The following ROBO1 variants were observed in gnomAD, a reference collection of about 807,000 sequenced individuals.
ROBO1 encodes the protein roundabout homolog 1.
In ROBO1, 149 loss-of-function variants were observed where a neutral mutation model predicts 195.9. The ratio of observed to expected loss-of-function variants is 0.76; its 90% CI spans 0.67 to 0.87. The LOEUF is 0.87. Among genes scored for constraint, ROBO1 ranks in the 40% least tolerant of loss-of-function variants. The pLI is 0.00. For missense variants in ROBO1, 1,933 were observed against 2,068.3 expected, an observed-to-expected ratio of 0.93 and a Z score of 1.27; for synonymous variants, 816 against 733.2, an observed-to-expected ratio of 1.11 and a Z score of -1.82.
intron 2 of ROBO1, among the ~76,000 whole-genome samples, chr3:79,297,810 C>G (rs1025835899): frequency 2.0e-5 from 3 of 151,990 alleles, no homozygotes; most frequent in Non-Finnish European, 4.4e-5. Context: ...AAGCCAACTG[C>G]TAGGATTTTC....
rs181878516 is a variant in ROBO1 at position 78,659,176 on chromosome 3, T to C, written c.2442+510A>G. ...AAAACACTTAAAAGTACAGAGACTT[T>C]TACCTTTTAATGCCTCAATTATCTA... On this transcript the variant is annotated intron_variant, in intron 17 of 30. Coordinates refer to ENST00000464233, the MANE Select transcript of ROBO1 (RefSeq NM_002941.4). 1.2e-4 allele frequency among the ~76,000 whole-genome samples: 18 copies of C among 152,298 alleles called. No homozygotes were observed. In the East Asian group the frequency reaches 3.5e-3, roughly 29 times the overall value.
At chr3:78,921,268 G>T (rs1364544565) in intron 4 of ROBO1, among the ~76,000 whole-genome samples, 1 of 151,332 alleles carries the variant, frequency 6.6e-6, no homozygotes, top group Non-Finnish European at 1.5e-5. Flanking sequence ...AATTAATTAT[G>T]TTAGCTTTAT....
chr3:79,434,357 A>G (rs2038800903), intron 2 of ROBO1, among the ~76,000 whole-genome samples: 1 of 152,230 alleles, frequency 6.6e-6, no homozygotes, highest in Admixed American at 6.5e-5. Context: ...AAAGAACTCA[A>G]ACAAATTCAC....
intron 2 of ROBO1, among the ~76,000 whole-genome samples, chr3:79,232,328 C>T (rs990378496): frequency 6.7e-6 from 1 of 149,330 alleles, no homozygotes; most frequent in South Asian, 2.1e-4. Context: ...GTTTAAGTAT[C>T]TCCTAGTGTG....
chr3:78,849,054 G>A (rs375992807), intron 4 of ROBO1, among the ~76,000 whole-genome samples: 17 of 152,010 alleles, frequency 1.1e-4, no homozygotes, highest in Admixed American at 4.6e-4. Flanking sequence ...AAGAGTCAAG[G>A]GTGACATCAT....
intron 3 of ROBO1, among the ~76,000 whole-genome samples, chr3:78,957,981 C>T (rs527279976): frequency 3.9e-5 from 6 of 152,168 alleles, no homozygotes; most frequent in African/African-American, 1.4e-4. Context: ...GGGTTTTGCT[C>T]TAGCTTTCTG....
chr3:79,101,864 A>C (rs930445810), intron 3 of ROBO1, among the ~76,000 whole-genome samples: 2 of 151,856 alleles, frequency 1.3e-5, no homozygotes, highest in Non-Finnish European at 2.9e-5. Context: ...TTTAATTTTA[A>C]AGCACAATTG....
chr3:79,365,615 G>A (rs567450971), intron 2 of ROBO1, among the ~76,000 whole-genome samples: 1 of 152,152 alleles, frequency 6.6e-6, no homozygotes, highest in African/African-American at 2.4e-5. Context: ...TACTTTCCCA[G>A]GGCCGGGCAC....
At chr3:79,309,272 A>T (rs1486833721) in intron 2 of ROBO1, among the ~76,000 whole-genome samples, 1 of 152,120 alleles carries the variant, frequency 6.6e-6, no homozygotes, top group African/African-American at 2.4e-5. Context: ...TAATTTTAAG[A>T]ACTAATCACT....
At chr3:79,334,093 G>A (rs975917995) in intron 2 of ROBO1, among the ~76,000 whole-genome samples, 10 of 151,742 alleles carry the variant, frequency 6.6e-5, no homozygotes, top group Non-Finnish European at 1.5e-4. Context: ...ATCACCTGAG[G>A]TTAGGAGTTG....
chr3:79,623,380 T>C (rs1281099901), intron 1 of ROBO1, among the ~76,000 whole-genome samples: 1 of 152,160 alleles, frequency 6.6e-6, no homozygotes, highest in African/African-American at 2.4e-5. Flanking sequence ...CTTCAGAAGA[T>C]AGGCAATAAA....
At chr3:78,806,850 C>T (rs780990355) in intron 4 of ROBO1, among the ~76,000 whole-genome samples, 4 of 151,840 alleles carry the variant, frequency 2.6e-5, no homozygotes, top group Non-Finnish European at 5.9e-5. Context: ...CTCTGTTGCC[C>T]AGGCTAGAAT....
At chr3:79,638,948 G>A (rs571498721) in intron 1 of ROBO1, among the ~76,000 whole-genome samples, 7 of 152,244 alleles carry the variant, frequency 4.6e-5, no homozygotes, top group Non-Finnish European at 7.4e-5. Context: ...CTGTACACCT[G>A]CTATAAATGT....
At chr3:78,608,797 G>T (rs565048470) in intron 28 of ROBO1, among the ~76,000 whole-genome samples, 2 of 152,062 alleles carry the variant, frequency 1.3e-5, no homozygotes, top group Non-Finnish European at 2.9e-5. Flanking sequence ...TACAGGGGTG[G>T]GGGGAGGAAG....
At chr3:79,084,845 T>C (rs1559647661) in intron 3 of ROBO1, among the ~76,000 whole-genome samples, 1 of 152,070 alleles carries the variant, frequency 6.6e-6, no homozygotes, top group Non-Finnish European at 1.5e-5. Context: ...GAGATTCTGA[T>C]CAGAAAGGTG....
chr3:79,468,358 T>G (rs1027481521), intron 2 of ROBO1, among the ~76,000 whole-genome samples: 2 of 152,156 alleles, frequency 1.3e-5, no homozygotes, highest in Non-Finnish European at 2.9e-5. Context: ...ATTCTACACA[T>G]GAGGATACTG....
rs182491629 is a variant in ROBO1, at chr3:79,371,040, G to A, written c.88+218784C>T. Among the ~76,000 whole-genome samples the A allele has an allele frequency of 2.4e-3, 372 of 152,254 alleles. 2 individuals are homozygous for A. The highest frequency in any genetic ancestry group is 7.6e-3 in the African/African-American group (317 of 41,536). On this transcript the variant is annotated intron_variant, in intron 2 of 30. Transcript: ENST00000464233. ...CTCATTCTCTTTTTATGGCTGCACAGTATTCCATGGTGTATATTGCCACAT... is the reference window on the plus strand; with the variant it reads ...CTCATTCTCTTTTTATGGCTGCACAATATTCCATGGTGTATATTGCCACAT...
intron 1 of ROBO1, among the ~76,000 whole-genome samples, chr3:79,644,522 C>A (rs1354623646): frequency 6.6e-6 from 1 of 152,082 alleles, no homozygotes; most frequent in Non-Finnish European, 1.5e-5. Context: ...AGAAAGAGAG[C>A]TTGTGCAGGG....
chr3:79,559,095 G>A (rs1157725660), intron 2 of ROBO1, among the ~76,000 whole-genome samples: 8 of 152,098 alleles, frequency 5.3e-5, no homozygotes, highest in Non-Finnish European at 4.4e-5. Context: ...GAAGCCAACC[G>A]ATCAGACCAC....
Sources: gnomAD v4.1 joint callset for allele counts (sites outside exome capture counted in the v4.1 genomes callset) on GRCh38, gnomAD v4.1.1 for gene constraint, MANE v1.5 for transcripts, NCBI Gene and HGNC (gene_info 2026-07-23, HGNC 2026-07-21) for gene names.